SLC6A6: variants seen among roughly 807,000 people sequenced by gnomAD.
SLC6A6 encodes solute carrier family 6 member 6.
A neutral mutation model predicts 68.8 loss-of-function variants in SLC6A6; 16 were observed. That is an observed-to-expected ratio of 0.23 (90% CI 0.16 to 0.35). The LOEUF is 0.35. Among genes scored for constraint, SLC6A6 ranks in the 10% least tolerant of loss-of-function variants. The probability of loss-of-function intolerance (pLI) is 1.00; values close to 1 mark genes in which losing one functional copy is unlikely to be tolerated. For missense variants in SLC6A6, 474 were observed against 802.8 expected (o/e 0.59, Z 4.95); for synonymous variants, 312 against 315.4 (o/e 0.99, Z 0.12).
At chr3:14,419,563 G>A (rs1403593369) in intron 2 of SLC6A6, among the ~76,000 whole-genome samples, 1 of 152,144 alleles carries the variant, frequency 6.6e-6, no homozygotes, top group Non-Finnish European at 1.5e-5. Flanking sequence ...CAGCCCTGCC[G>A]GCTTCGTGAC....
At chr3:14,473,866 G>A (rs1042816205) in intron 10 of SLC6A6, among the ~76,000 whole-genome samples, 3 of 152,216 alleles carry the variant, frequency 2.0e-5, no homozygotes, top group Admixed American at 6.5e-5. Flanking sequence ...GACAAGGCAT[G>A]ACATCTTCAT....
chr3:14,413,765 G>A (rs1699304322), intron 1 of SLC6A6, among the ~76,000 whole-genome samples: 1 of 152,094 alleles, frequency 6.6e-6, no homozygotes, highest in African/African-American at 2.4e-5. Context: ...AGAGTGCCAG[G>A]GCTGCGGGAA....
chr3:14,433,798 G>C (rs1699786228), intron 2 of SLC6A6, among the ~76,000 whole-genome samples: 1 of 76,212 alleles, frequency 1.3e-5, no homozygotes, highest in African/African-American at 6.5e-5. Flanking sequence ...GCTAGACTCT[G>C]TCTCAAAAAA....
chr3:14,463,400 TACGTGAAA>T (rs1700539355), intron 6 of SLC6A6, among the ~76,000 whole-genome samples: 1 of 152,206 alleles, frequency 6.6e-6, no homozygotes, highest in Admixed American at 6.5e-5. Context: ...ATAAACTAAC[TACGTGAAA>T]ACAAAGAAAG....
At chr3:14,438,696 A>G (rs1045317596) in intron 2 of SLC6A6, among the ~76,000 whole-genome samples, 3 of 152,200 alleles carry the variant, frequency 2.0e-5, no homozygotes, top group African/African-American at 4.8e-5. Context: ...AAGGCCAGGT[A>G]TGTGCTAGGC....
intron 5 of SLC6A6, among the ~76,000 whole-genome samples, chr3:14,456,697 T>A (rs929553883): frequency 1.3e-5 from 2 of 152,240 alleles, no homozygotes; most frequent in Non-Finnish European, 2.9e-5. Context: ...AAGAGCATCC[T>A]GGGCAGGAGC....
At chr3:14,426,334 C>G (rs940147163) in intron 2 of SLC6A6, among the ~76,000 whole-genome samples, 7 of 151,766 alleles carry the variant, frequency 4.6e-5, no homozygotes, top group African/African-American at 9.7e-5. Context: ...AGTCCCCCCC[C>G]AGCCATCCCA....
At position 14,402,872 on chromosome 3, in the gene SLC6A6, C is replaced by T. The variant is rs979518702; in HGVS notation, c.-54+25C>T. ...GGTACCGGAGGGACCGGGAGCTGGG[C>T]GCGCAGCCGGCGCTGCCCGCCGTCT... On this transcript the variant is annotated intron_variant, in intron 1 of 14. Transcript: ENST00000622186. The surrounding 1 kb of genome is among the most constrained non-coding windows in gnomAD (Gnocchi z 4.8). 7.9e-5 allele frequency: 31 copies of T among 393,498 alleles called. No homozygotes were observed. The highest frequency in any genetic ancestry group is 6.3e-4 in the Middle Eastern group (1 of 1,590). The allele number at this position is 393,498 out of a possible 1,614,324, so 24.4% of individuals were successfully genotyped here. A position where few individuals can be genotyped will look rare whatever the true frequency, so the allele number is the denominator to read the frequency against.
intron 2 of SLC6A6, among the ~76,000 whole-genome samples, chr3:14,428,892 G>A (rs183572185): frequency 6.6e-6 from 1 of 152,316 alleles, no homozygotes. Context: ...TCTCTGCTGG[G>A]TGACAGTGAG....
At chr3:14,418,042 T>G (rs1699404527) in intron 2 of SLC6A6, among the ~76,000 whole-genome samples, 1 of 152,234 alleles carries the variant, frequency 6.6e-6, no homozygotes, top group Non-Finnish European at 1.5e-5. Flanking sequence ...GGCCTGCGTG[T>G]GCATGTACAC....
rs1460100860 is a variant in SLC6A6, at chr3:14,488,923, T to TA, written c.*3917dup. 3 of 152,620 alleles carry TA rather than the reference T, an allele frequency of 2.0e-5. No individual in the cohort carries two copies. Among genetic ancestry groups the TA allele is most frequent in the Non-Finnish European group, 4.4e-5 (3 of 68,040 alleles). 9.5% of individuals were successfully genotyped at this position (152,620 alleles called of 1,614,324 possible). A position where few individuals can be genotyped will look rare whatever the true frequency, so the allele number is the denominator to read the frequency against. ...AGATGTTGGCTTCATTTTTTTTTTT[T>TA]ACCCAATTAATCTCCCAATCCCTAG... On this transcript the variant is annotated 3_prime_UTR_variant, in exon 15 of 15. Transcript: ENST00000622186.
intron 9 of SLC6A6, among the ~76,000 whole-genome samples, chr3:14,471,362 A>G (rs892608689): frequency 2.0e-5 from 3 of 152,054 alleles, no homozygotes; most frequent in African/African-American, 7.2e-5. Flanking sequence ...GTTCTATCCA[A>G]GTCCCTTCTT....
At chr3:14,429,372 T>C (rs1487830274) in intron 2 of SLC6A6, among the ~76,000 whole-genome samples, 1 of 152,216 alleles carries the variant, frequency 6.6e-6, no homozygotes, top group East Asian at 1.9e-4. Flanking sequence ...AGAGACTCTC[T>C]GGCAAACTCT....
intron 1 of SLC6A6, among the ~76,000 whole-genome samples, chr3:14,406,748 G>A (rs771619978): frequency 2.6e-5 from 4 of 152,212 alleles, no homozygotes; most frequent in Non-Finnish European, 1.5e-5. Context: ...AGGGTTACGA[G>A]AGGGAAAGCA....
intron 6 of SLC6A6, 38 bp downstream of exon 6, chr3:14,458,120 A>T: frequency 6.2e-7 from 1 of 1,601,630 alleles, no homozygotes; most frequent in Non-Finnish European, 8.6e-7. Flanking sequence ...CCTCCTGGAG[A>T]GCTGTGCCAG....
intron 7 of SLC6A6, among the ~76,000 whole-genome samples, chr3:14,467,382 A>G (rs1700645175): frequency 1.3e-5 from 2 of 151,940 alleles, no homozygotes; most frequent in African/African-American, 4.8e-5. Flanking sequence ...CTGCATTCTA[A>G]CTCGGGGGTC....
chr3:14,463,606 C>T lies in SLC6A6; in HGVS notation c.733-2910C>T, dbSNP rs185309772. On this transcript the variant is annotated intron_variant, in intron 6 of 14. Transcript: ENST00000622186. ...AAGGGCCCCAGAGGTGGGAACTGGT[C>T]GGGGCGCCTGGCCGCCTGTCCGCCT... 2.5e-4 allele frequency among the ~76,000 whole-genome samples: 38 copies of T among 152,346 alleles called. No individual in the cohort carries two copies. In the East Asian group the frequency reaches 6.6e-3, roughly 26 times the overall value.
At chr3:14,424,411 C>T (rs183555866) in intron 2 of SLC6A6, among the ~76,000 whole-genome samples, 6 of 151,222 alleles carry the variant, frequency 4.0e-5, no homozygotes, top group Admixed American at 2.6e-4. Context: ...GCCAGTTGGG[C>T]ACCAGACAGT....
At chr3:14,426,040 AC>A (rs1470995467) in intron 2 of SLC6A6, among the ~76,000 whole-genome samples, 5 of 152,148 alleles carry the variant, frequency 3.3e-5, no homozygotes, top group Non-Finnish European at 7.3e-5. Flanking sequence ...GCCAGCTGCC[AC>A]CCGGTCCGTG....
Sources: gnomAD v4.1 joint callset for allele counts (sites outside exome capture counted in the v4.1 genomes callset) on GRCh38, gnomAD v4.1.1 for gene constraint, Gnocchi (gnomAD v3.1) non-coding constraint, MANE v1.5 for transcripts, NCBI Gene and HGNC (gene_info 2026-07-23, HGNC 2026-07-21) for gene names.